The following SV2C variants were observed in gnomAD, a reference collection of about 807,000 sequenced individuals.
SV2C encodes synaptic vesicle glycoprotein 2C.
In SV2C, 49 loss-of-function variants were observed where a neutral mutation model predicts 79.7. The ratio of observed to expected loss-of-function variants is 0.61; its 90% CI spans 0.49 to 0.78. SV2C has a LOEUF of 0.78. Ranked by LOEUF, SV2C falls within the 30% of genes least tolerant of loss-of-function variation. The pLI is 0.00. For synonymous variants in SV2C, 334 were observed against 333.2 expected, an observed-to-expected ratio of 1.00 and a Z score of -0.03; for missense variants, 833 against 912.9, an observed-to-expected ratio of 0.91 and a Z score of 1.13.
the SV2C span, among the ~76,000 whole-genome samples, chr5:76,001,136 G>C: frequency 6.6e-6 from 1 of 152,140 alleles, no homozygotes; most frequent in African/African-American, 2.4e-5. Flanking sequence ...GTCTGAGCCT[G>C]GTGATGCACC....
At chr5:76,068,253 G>C in the SV2C span, among the ~76,000 whole-genome samples, 1 of 152,092 alleles carries the variant, frequency 6.6e-6, no homozygotes, top group Admixed American at 6.5e-5. Flanking sequence ...AAAGAGTCAG[G>C]AGTGGGTGTG....
At chr5:75,858,082 G>A in the SV2C span, among the ~76,000 whole-genome samples, 1 of 152,084 alleles carries the variant, frequency 6.6e-6, no homozygotes, top group Non-Finnish European at 1.5e-5. Context: ...TTTTTAACGT[G>A]GATACCCTTT....
At chr5:76,063,955 CTA>C in the SV2C span, among the ~76,000 whole-genome samples, 365 of 152,114 alleles carry the variant, frequency 2.4e-3, 2 homozygotes, top group African/African-American at 7.8e-3. Flanking sequence ...CCCTGGATGC[CTA>C]TGAGTTTTGT....
chr5:75,909,411 C>G, the SV2C span, among the ~76,000 whole-genome samples: 7 of 152,202 alleles, frequency 4.6e-5, no homozygotes, highest in Non-Finnish European at 8.8e-5. Flanking sequence ...TTCACAATCT[C>G]TGTGACTAGC....
At chr5:75,884,870 C>T in the SV2C span, among the ~76,000 whole-genome samples, 2 of 151,876 alleles carry the variant, frequency 1.3e-5, no homozygotes, top group Non-Finnish European at 2.9e-5. Flanking sequence ...CAACAATGTA[C>T]TTCATTCTAG....
chr5:75,875,561 A>G, the SV2C span, among the ~76,000 whole-genome samples: 6 of 152,228 alleles, frequency 3.9e-5, no homozygotes, highest in South Asian at 2.1e-4. Context: ...TAATTGCAAG[A>G]AAAGCAAAAA....
At chr5:76,316,413 T>C (rs2937741) in intron 12 of SV2C, among the ~76,000 whole-genome samples, 14,032 of 152,228 alleles carry the variant, frequency 0.092, 704 homozygotes, top group Admixed American at 0.14. Flanking sequence ...AGAATCTCTG[T>C]GCATGTGGCC....
At chr5:75,958,703 C>T in the SV2C span, among the ~76,000 whole-genome samples, 1 of 151,940 alleles carries the variant, frequency 6.6e-6, no homozygotes, top group African/African-American at 2.4e-5. Flanking sequence ...GCTCAGGACA[C>T]ACGTCATTTT....
rs764934852 is a variant in SV2C at position 76,301,405 on chromosome 5, G to T, written c.1860G>T (p.Ser620=). The change falls in exon 12 of 13, where the codon TCG becomes TCT. Residue 620 remains serine (S), a synonymous_variant. Transcript: ENST00000502798. ...TGGCAGGTGGCTCTATGGTGCTTTC[G>T]GGGATCAGCTGTTTCTTCCTTTGGT... ...LTMLGGSMVL[S]GISCFFLWFG... 3 of 1,613,914 alleles carry T rather than the reference G, an allele frequency of 1.9e-6. No individual in the cohort carries two copies. Among genetic ancestry groups the T allele is most frequent in the Admixed American group, 1.7e-5 (1 of 60,016 alleles).
chr5:75,898,643 G>T, the SV2C span, among the ~76,000 whole-genome samples: 1 of 152,148 alleles, frequency 6.6e-6, no homozygotes, highest in Admixed American at 6.5e-5. Flanking sequence ...AGAAGGAATG[G>T]TACCAGTTCC....
chr5:75,992,909 T>C, the SV2C span, among the ~76,000 whole-genome samples: 50 of 151,994 alleles, frequency 3.3e-4, no homozygotes, highest in African/African-American at 1.2e-3. Flanking sequence ...GAAGTGATAC[T>C]GGCAAAAACC....
rs985040327 is a variant in SV2C at position 76,327,458 on chromosome 5, A to G, written c.*1911A>G. ...CTTTCTCTCACTTCTGCCTCCTATC[A>G]TTTTATTGGAGAACAAAGACAGCAG... On this transcript the variant is annotated 3_prime_UTR_variant, in exon 13 of 13. Coordinates refer to ENST00000502798, the MANE Select transcript of SV2C (RefSeq NM_014979.4). 6.6e-6 allele frequency: 1 copy of G among 152,232 alleles called. No homozygotes were observed. Among genetic ancestry groups the G allele is most frequent in the Non-Finnish European group, 1.5e-5 (1 of 68,038 alleles). 9.4% of individuals were successfully genotyped at this position (152,232 alleles called of 1,614,324 possible).
chr5:75,916,039 T>A, the SV2C span, among the ~76,000 whole-genome samples: 1 of 152,176 alleles, frequency 6.6e-6, no homozygotes, highest in Non-Finnish European at 1.5e-5. Context: ...AATGGAAATA[T>A]CTTTCAGGCA....
At chr5:76,052,895 C>T in the SV2C span, among the ~76,000 whole-genome samples, 7 of 150,438 alleles carry the variant, frequency 4.7e-5, no homozygotes, top group African/African-American at 1.7e-4. Context: ...TAATAATCTA[C>T]TATTATAATA....
At chr5:76,223,444 CATATATATATATATATATATATATAT>C (rs70979384) in intron 4 of SV2C, among the ~76,000 whole-genome samples, 46 of 45,792 alleles carry the variant, frequency 1.0e-3, no homozygotes, top group Admixed American at 1.4e-3. Flanking sequence ...TACATACATA[CATATATATATATATATATATATATAT>C]ATATATATAT....
At chr5:75,918,938 C>A in the SV2C span, among the ~76,000 whole-genome samples, 1 of 152,194 alleles carries the variant, frequency 6.6e-6, no homozygotes, top group Non-Finnish European at 1.5e-5. Context: ...GCTGTGAGAT[C>A]TGATATTTGT....
At chr5:76,242,249 T>C in intron 4 of SV2C, 2 of 1,085,258 alleles carry the variant, frequency 1.8e-6, no homozygotes, top group East Asian at 4.7e-5. Flanking sequence ...GTCCTTCACC[T>C]TGGCTTTATC....
At chr5:75,937,314 C>T in the SV2C span, among the ~76,000 whole-genome samples, 3 of 152,212 alleles carry the variant, frequency 2.0e-5, no homozygotes, top group African/African-American at 7.2e-5. Context: ...TGTGAAATAT[C>T]TTAGAGTTTA....
chr5:76,011,357 C>A, the SV2C span, among the ~76,000 whole-genome samples: 132 of 152,148 alleles, frequency 8.7e-4, no homozygotes, highest in South Asian at 0.017. Context: ...GCTAGTTCTC[C>A]CATTCTGGAG....
Sources: allele counts gnomAD v4.1 joint callset (sites outside exome capture counted in the v4.1 genomes callset), GRCh38; gene constraint gnomAD v4.1.1; transcripts MANE v1.5; gene names NCBI Gene and HGNC (gene_info 2026-07-23, HGNC 2026-07-21).